DCDC2: variants seen among roughly 807,000 people sequenced by gnomAD.
DCDC2 encodes doublecortin domain containing 2, also known as doublecortin domain-containing protein 2.
Under a neutral mutation model 50.2 loss-of-function variants are expected in DCDC2, and 40 were observed. That is an observed-to-expected ratio of 0.80 (90% CI 0.62 to 1.04). The LOEUF (loss-of-function observed/expected upper bound fraction) is 1.04. DCDC2 is among the 50% of genes least tolerant of loss of function. The pLI is 0.00. For missense variants in DCDC2, 570 were observed against 581.9 expected (o/e 0.98, Z 0.21); for synonymous variants, 234 against 210.6 (o/e 1.11, Z -0.96).
chr6:24,305,532 A>G (rs1236838774), intron 2 of DCDC2, among the ~76,000 whole-genome samples: 2 of 152,210 alleles, frequency 1.3e-5, no homozygotes, highest in African/African-American at 4.8e-5. Context: ...TAAGTAATAA[A>G]CAACACACAA....
At chr6:24,272,660 T>C (rs572979361) in intron 7 of DCDC2, among the ~76,000 whole-genome samples, 1 of 152,176 alleles carries the variant, frequency 6.6e-6, no homozygotes, top group African/African-American at 2.4e-5. Flanking sequence ...AAAACCACAG[T>C]GAGATATCAG....
intron 7 of DCDC2, among the ~76,000 whole-genome samples, chr6:24,218,924 T>A (rs991811918): frequency 6.6e-6 from 1 of 152,230 alleles, no homozygotes; most frequent in Non-Finnish European, 1.5e-5. Flanking sequence ...GCTTCTTAAG[T>A]TCAACAGATG....
intron 4 of DCDC2, among the ~76,000 whole-genome samples, chr6:24,291,568 C>G (rs867729619): frequency 2.7e-5 from 4 of 147,528 alleles, no homozygotes; most frequent in Admixed American, 6.8e-5. Context: ...TCACTGCAAG[C>G]TCCGCCTCCC....
At chr6:24,175,139 C>T (rs1178503788) in intron 9 of DCDC2, among the ~76,000 whole-genome samples, 3 of 152,006 alleles carry the variant, frequency 2.0e-5, no homozygotes, top group African/African-American at 7.2e-5. Flanking sequence ...AGCTTTTCTT[C>T]AATTTAGTTA....
chr6:24,217,079 C>G (rs1761998488), intron 7 of DCDC2, among the ~76,000 whole-genome samples: 1 of 151,854 alleles, frequency 6.6e-6, no homozygotes, highest in Non-Finnish European at 1.5e-5. Context: ...TCATTTCAGA[C>G]AGAGACATAA....
At chr6:24,266,667 A>G (rs532893410) in intron 7 of DCDC2, among the ~76,000 whole-genome samples, 1 of 152,292 alleles carries the variant, frequency 6.6e-6, no homozygotes, top group African/African-American at 2.4e-5. Flanking sequence ...ACAATAAGGG[A>G]TGCTGGCAAA....
At chr6:24,242,793 C>G (rs1413925776) in intron 7 of DCDC2, among the ~76,000 whole-genome samples, 15 of 152,228 alleles carry the variant, frequency 9.9e-5, no homozygotes, top group African/African-American at 3.6e-4. Context: ...AAAACCCCAT[C>G]TCTACTAGAA....
chr6:24,221,870 G>T (rs1489579688), intron 7 of DCDC2, among the ~76,000 whole-genome samples: 2 of 152,196 alleles, frequency 1.3e-5, no homozygotes, highest in African/African-American at 4.8e-5. Flanking sequence ...CTTGGAGGAA[G>T]CATCACCACT....
intron 7 of DCDC2, among the ~76,000 whole-genome samples, chr6:24,250,017 G>A (rs1234985191): frequency 1.3e-5 from 2 of 152,194 alleles, no homozygotes; most frequent in African/African-American, 4.8e-5. Context: ...GACGAGAGCA[G>A]TATGAGCTTT....
In DCDC2 at chr6:24,358,054, G is replaced by C; in HGVS notation, c.-304C>G. 9.4e-7 allele frequency: 1 copy of C among 1,063,858 alleles called. No homozygotes were observed. Among genetic ancestry groups the C allele is most frequent in the Non-Finnish European group, 1.3e-6 (1 of 756,420 alleles). 65.9% of individuals were successfully genotyped at this position (1,063,858 alleles called of 1,614,324 possible). A position where few individuals can be genotyped will look rare whatever the true frequency, so the allele number is the denominator to read the frequency against. On this transcript the variant is annotated 5_prime_UTR_variant, in exon 1 of 10. Coordinates refer to ENST00000378454, the MANE Select transcript of DCDC2 (RefSeq NM_016356.5). ...GCTACGGGCAGAATCAAGGTGGACA[G>C]CTTCTGAGCAGGAGCCGGAAACGCG...
chr6:24,307,619 A>C (rs1261941804), intron 2 of DCDC2, among the ~76,000 whole-genome samples: 1 of 152,234 alleles, frequency 6.6e-6, no homozygotes, highest in Non-Finnish European at 1.5e-5. Context: ...ATAATGAATC[A>C]GTTTTCACCA....
chr6:24,366,382 A>G, the DCDC2 span, among the ~76,000 whole-genome samples: 2 of 152,220 alleles, frequency 1.3e-5, no homozygotes, highest in Non-Finnish European at 2.9e-5. Flanking sequence ...ATAGCAGTGA[A>G]AAAACTTTCA....
chr6:24,183,563 C>T (rs1761129647), intron 8 of DCDC2, among the ~76,000 whole-genome samples: 1 of 152,086 alleles, frequency 6.6e-6, no homozygotes, highest in Admixed American at 6.6e-5. Context: ...CCAGGAAAAG[C>T]CCTGTGGACC....
intron 2 of DCDC2, among the ~76,000 whole-genome samples, chr6:24,341,156 A>T (rs1760148660): frequency 6.6e-6 from 1 of 152,236 alleles, no homozygotes; most frequent in African/African-American, 2.4e-5. Flanking sequence ...AGAGGGAAAA[A>T]ATACAAAGCA....
chr6:24,294,167 G>A lies in DCDC2; in HGVS notation c.558-3089C>T, dbSNP rs1763811303. On this transcript the variant is annotated intron_variant, in intron 4 of 9. Transcript: ENST00000378454. ...AGCTCAGGAGTTTGAGGCCAGCCTG[G>A]GCAACATAGTGAAACCCCGTCTCTA... is the stretch of plus-strand genomic sequence containing the variant. 2.0e-5 allele frequency among the ~76,000 whole-genome samples: 3 copies of A among 152,072 alleles called. No individual in the cohort carries two copies. In the South Asian group the frequency reaches 6.2e-4, roughly 31 times the overall value.
intron 2 of DCDC2, among the ~76,000 whole-genome samples, chr6:24,329,745 T>A (rs1167349325): frequency 6.6e-6 from 1 of 152,166 alleles, no homozygotes; most frequent in African/African-American, 2.4e-5. Flanking sequence ...CCATCCCACA[T>A]GAAACATTCT....
chr6:24,242,722 G>A (rs1762590492), intron 7 of DCDC2, among the ~76,000 whole-genome samples: 1 of 152,196 alleles, frequency 6.6e-6, no homozygotes, highest in African/African-American at 2.4e-5. Flanking sequence ...AGCACCTTGG[G>A]AGGCCAAGAC....
upstream of DCDC2, among the ~76,000 whole-genome samples, chr6:24,359,151 TTATATATTTTATATATTTTA>T (rs1561789060): frequency 4.6e-5 from 3 of 64,632 alleles, no homozygotes; most frequent in South Asian, 4.6e-4. Flanking sequence ...ATTATATATT[TTATATATTTTATATATTTTA>T]TATATATTTT....
At chr6:24,323,814 TTTTG>T (rs1561774828) in intron 2 of DCDC2, among the ~76,000 whole-genome samples, 2 of 152,184 alleles carry the variant, frequency 1.3e-5, no homozygotes, top group African/African-American at 4.8e-5. Flanking sequence ...TTACATTGGG[TTTTG>T]TTTTAGTTTC....
Sources: gnomAD v4.1 joint callset for allele counts (sites outside exome capture counted in the v4.1 genomes callset) on GRCh38, gnomAD v4.1.1 for gene constraint, MANE v1.5 for transcripts, NCBI Gene and HGNC (gene_info 2026-07-23, HGNC 2026-07-21) for gene names.